Variants in HS6ST2 observed in about 807,000 individuals in gnomAD.
HS6ST2 encodes heparan-sulfate 6-O-sulfotransferase 2.
A neutral mutation model predicts 33.0 loss-of-function variants in HS6ST2; 17 were observed. That is an observed-to-expected ratio of 0.52 (90% CI 0.35 to 0.77). HS6ST2 has a LOEUF of 0.77. Ranked by LOEUF, HS6ST2 falls within the 30% of genes least tolerant of loss-of-function variation. The pLI is 0.01. For missense variants in HS6ST2, 519 were observed against 551.7 expected (o/e 0.94, Z 0.59); for synonymous variants, 248 against 237.1 (o/e 1.05, Z -0.42).
At position 132,628,676 on chromosome X, in the gene HS6ST2, T is replaced by C. The variant is rs375955480; in HGVS notation, c.1485A>G (p.Pro495=). 5.8e-6 allele frequency: 7 copies of C among 1,209,773 alleles called. No individual in the cohort carries two copies. In the African/African-American group the frequency reaches 8.7e-5, roughly 15 times the overall value. The change falls in exon 5 of 5, where the codon CCA becomes CCG. Residue 495 remains proline (P), a synonymous_variant. Transcript: ENST00000370833. ...EKTFNMNFIS[P]FTQYNTTRAS... ...CCCTAGTGGTATTATACTGGGTAAA[T>C]GGCGAAATAAAGTTCATGTTGAAGG...
chrX:132,866,766 T>G (rs1432970353), intron 2 of HS6ST2, among the ~76,000 whole-genome samples: 1 of 79,640 alleles, frequency 1.3e-5, no homozygotes, highest in Admixed American at 1.5e-4. Flanking sequence ...TCACTCATGA[T>G]TTGGCTCTCT....
chrX:132,826,416 C>T (rs1254205840), intron 2 of HS6ST2, among the ~76,000 whole-genome samples: 1 of 110,825 alleles, frequency 9.0e-6, no homozygotes, highest in Non-Finnish European at 1.9e-5. Context: ...AAATTACACA[C>T]CAGATTTCTA....
intron 4 of HS6ST2, among the ~76,000 whole-genome samples, chrX:132,664,572 CCTT>C (rs1429926591): frequency 1.8e-5 from 2 of 111,360 alleles, no homozygotes; most frequent in African/African-American, 3.3e-5. Flanking sequence ...CTTCTGTACA[CCTT>C]CTTTTTCTCC....
chrX:132,958,604 C>A lies in HS6ST2; in HGVS notation c.-2G>T, dbSNP rs781019195. The stretch of plus-strand genomic sequence containing the variant: ...GACTGCACACGCAGGCAGTGCCATT[C>A]CCCCCTTCAGGCAACTCAGGGTACT... On this transcript the variant is annotated 5_prime_UTR_variant, in exon 1 of 5. Transcript: ENST00000370833. 44 of 1,162,336 alleles carry A rather than the reference C, an allele frequency of 3.8e-5. No homozygotes were observed. Among genetic ancestry groups the A allele is most frequent in the Non-Finnish European group, 4.6e-5 (40 of 869,627 alleles).
At chrX:132,814,629 C>G (rs994587184) in intron 2 of HS6ST2, among the ~76,000 whole-genome samples, 2 of 111,711 alleles carry the variant, frequency 1.8e-5, no homozygotes, top group African/African-American at 6.5e-5. Context: ...TGTGCCTCAG[C>G]CTCCCAAGTA....
intron 2 of HS6ST2, among the ~76,000 whole-genome samples, chrX:132,804,186 CT>C (rs894129891): frequency 2.7e-5 from 3 of 112,148 alleles, no homozygotes; most frequent in African/African-American, 9.7e-5. Context: ...GGTTTTCTCC[CT>C]TAAGCTTCTT....
intron 4 of HS6ST2, 57 bp downstream of exon 4, chrX:132,669,056 A>C: frequency 4.0e-6 from 3 of 747,775 alleles, no homozygotes; most frequent in Non-Finnish European, 6.2e-6. Context: ...CAAAAGGAGG[A>C]CAGCACTTGA....
intron 2 of HS6ST2, among the ~76,000 whole-genome samples, chrX:132,900,753 T>C (rs1179598879): frequency 9.0e-6 from 1 of 111,210 alleles, no homozygotes; most frequent in East Asian, 2.8e-4. Context: ...GATGTTATGG[T>C]AGGCAGCCTC....
chrX:132,779,774 C>A (rs2065002324), intron 2 of HS6ST2, among the ~76,000 whole-genome samples: 1 of 110,942 alleles, frequency 9.0e-6, no homozygotes, highest in Non-Finnish European at 1.9e-5. Context: ...GGAATAAATT[C>A]CCCTGTTCCT....
chrX:132,650,774 C>A (rs866096480), intron 4 of HS6ST2, among the ~76,000 whole-genome samples: 1 of 58,300 alleles, frequency 1.7e-5, no homozygotes, highest in South Asian at 6.6e-4. Context: ...TCTCTCTCTT[C>A]TTTTTTGTTT....
At chrX:132,935,734 C>G (rs1290479920) in intron 2 of HS6ST2, among the ~76,000 whole-genome samples, 1 of 109,673 alleles carries the variant, frequency 9.1e-6, no homozygotes, top group Non-Finnish European at 1.9e-5. Flanking sequence ...ACCAATAAGT[C>G]AAGGAAAAAA....
intron 4 of HS6ST2, among the ~76,000 whole-genome samples, chrX:132,639,879 G>C (rs371458594): frequency 1.8e-5 from 2 of 111,894 alleles, no homozygotes; most frequent in Non-Finnish European, 3.8e-5. Flanking sequence ...CTTGTCCCAG[G>C]AATCCATTGC....
At chrX:132,696,529 C>T in intron 3 of HS6ST2, among the ~76,000 whole-genome samples, 1 of 111,806 alleles carries the variant, frequency 8.9e-6, no homozygotes, top group Non-Finnish European at 1.9e-5. Flanking sequence ...GGCTCAGCCT[C>T]TTGCTACTTT....
In HS6ST2 at chrX:132,956,745, C is replaced by G. The variant is rs2148508898; in HGVS notation, c.947+63G>C. The G allele has an allele frequency of 2.7e-6, 3 of 1,094,240 alleles. No homozygotes were observed. In the East Asian group the frequency reaches 1.0e-4, roughly 37 times the overall value. The allele number at this position is 1,094,240 out of a possible 1,213,427, so 90.2% of individuals were successfully genotyped here. On this transcript the variant is annotated intron_variant, in intron 2 of 4. Transcript: ENST00000370833. ...CGCTAGGTCCCCGGCTTGGGCCAGC[C>G]GCGCCTCCCAGCCCTCCGCCCGCCT... is the stretch of plus-strand genomic sequence containing the variant.
chrX:132,943,703 C>T (rs1464702225), intron 2 of HS6ST2, among the ~76,000 whole-genome samples: 9 of 111,354 alleles, frequency 8.1e-5, no homozygotes, highest in African/African-American at 2.6e-4. Flanking sequence ...GCTGGTTCAA[C>T]ATACACAAAT....
chrX:132,943,714 C>G (rs1372853051), intron 2 of HS6ST2, among the ~76,000 whole-genome samples: 4 of 111,391 alleles, frequency 3.6e-5, no homozygotes, highest in Non-Finnish European at 7.5e-5. Flanking sequence ...ATACACAAAT[C>G]AATAAATGTA....
chrX:132,870,410 A>G (rs185939081), intron 2 of HS6ST2, among the ~76,000 whole-genome samples: 1,132 of 112,202 alleles, frequency 0.01, 11 homozygotes, highest in African/African-American at 0.035. Context: ...AGAATTGGAA[A>G]AAACTACTTT....
At chrX:132,910,679 G>A in intron 2 of HS6ST2, among the ~76,000 whole-genome samples, 1 of 111,643 alleles carries the variant, frequency 9.0e-6, no homozygotes, top group Non-Finnish European at 1.9e-5. Flanking sequence ...GAGTCAAAGG[G>A]AAGTCAGTTC....
At chrX:132,914,059 G>A (rs2066561288) in intron 2 of HS6ST2, among the ~76,000 whole-genome samples, 1 of 111,796 alleles carries the variant, frequency 8.9e-6, no homozygotes, top group Admixed American at 9.5e-5. Flanking sequence ...GACTTACTAA[G>A]TTACTATGGA....
Sources: gnomAD v4.1 joint callset for allele counts (sites outside exome capture counted in the v4.1 genomes callset) on GRCh38, gnomAD v4.1.1 for gene constraint, MANE v1.5 for transcripts, NCBI Gene and HGNC (gene_info 2026-07-23, HGNC 2026-07-21) for gene names.